ITIH5: variants seen among roughly 807,000 people sequenced by gnomAD.
The protein encoded by ITIH5 is inter-alpha-trypsin inhibitor heavy chain 5.
ITIH5 carries 65 observed loss-of-function variants against 77.5 expected under a neutral mutation model. The ratio of observed to expected loss-of-function variants is 0.84; its 90% CI spans 0.69 to 1.03. The LOEUF is 1.03. Ranked by LOEUF, ITIH5 falls within the 50% of genes least tolerant of loss-of-function variation. ITIH5 has a pLI of 0.00. For missense variants in ITIH5, 1,208 were observed against 1,213.1 expected (o/e 1.00, Z 0.06); for synonymous variants, 525 against 494.3 (o/e 1.06, Z -0.82).
intron 7 of ITIH5, among the ~76,000 whole-genome samples, chr10:7,591,143 C>A (rs1237218727): frequency 6.6e-6 from 1 of 152,238 alleles, no homozygotes; most frequent in Non-Finnish European, 1.5e-5. Flanking sequence ...AATCTGCCTG[C>A]CTCAGCCTCC....
At chr10:7,609,413 T>C in intron 7 of ITIH5, 1 of 455,816 alleles carries the variant, frequency 2.2e-6, no homozygotes, top group Non-Finnish European at 4.4e-6. Context: ...GCTTACAAAT[T>C]ACTCACCTGT....
rs1044073314 is a variant in ITIH5, at chr10:7,644,252, T to A, written c.136-2162A>T. On this transcript the variant is annotated intron_variant, in intron 2 of 13. Transcript: ENST00000397146. Reference sequence around the variant, plus strand: ...GACCCTGTCACAGAAAAAAAATATATATATATATGTACATATATGTGCGTG... The same window carrying A: ...GACCCTGTCACAGAAAAAAAATATAAATATATATGTACATATATGTGCGTG... 7.4e-3 allele frequency among the ~76,000 whole-genome samples: 1,112 copies of A among 149,994 alleles called. 16 individuals are homozygous for A. Among genetic ancestry groups the A allele is most frequent in the African/African-American group, 0.026 (1,049 of 40,840 alleles).
intron 11 of ITIH5, chr10:7,572,771 CTTTTTTTTTTT>C (rs528912890): frequency 7.1e-4 from 63 of 88,328 alleles, no homozygotes; most frequent in South Asian, 5.4e-3. Flanking sequence ...TGGTTTTACA[CTTTTTTTTTTT>C]TTTTTTTTTT....
chr10:7,601,958 T>C (rs1282309262), intron 7 of ITIH5, among the ~76,000 whole-genome samples: 2 of 152,166 alleles, frequency 1.3e-5, no homozygotes, highest in Non-Finnish European at 2.9e-5. Context: ...GTTCAAGCGA[T>C]TCCCATGCCT....
intron 10 of ITIH5, among the ~76,000 whole-genome samples, chr10:7,574,771 C>T (rs563467277): frequency 6.0e-5 from 8 of 132,264 alleles, no homozygotes; most frequent in East Asian, 2.1e-4. Flanking sequence ...CCAGCTTGGG[C>T]GAAAGAGCGA....
chr10:7,575,504 G>A (rs1889524), intron 10 of ITIH5, among the ~76,000 whole-genome samples: 79,591 of 151,972 alleles, frequency 0.52, 21,133 homozygotes, highest in East Asian at 0.77. Context: ...TGTGATGCAT[G>A]TGAAACGCGA....
chr10:7,609,004 A>G (rs1328354030), intron 7 of ITIH5, among the ~76,000 whole-genome samples: 1 of 152,120 alleles, frequency 6.6e-6, no homozygotes, highest in Non-Finnish European at 1.5e-5. Context: ...TGGTCTACAG[A>G]CCACCACTGT....
chr10:7,607,110 G>C (rs1200605319), intron 7 of ITIH5, among the ~76,000 whole-genome samples: 2 of 152,186 alleles, frequency 1.3e-5, no homozygotes, highest in African/African-American at 4.8e-5. Flanking sequence ...GACAAGGGCA[G>C]CCCAGTAGAC....
In ITIH5 at chr10:7,644,720, A is replaced by ATC. The variant is rs1564277992; in HGVS notation, c.136-2631_136-2630insGA. ...CATATCTATATCACATATATATCAT[A>ATC]TATATCACATATCTATATCACATAT... is the stretch of plus-strand genomic sequence containing the variant. On this transcript the variant is annotated intron_variant, in intron 2 of 13. Coordinates refer to ENST00000397146, the MANE Select transcript of ITIH5 (RefSeq NM_030569.7). Among the ~76,000 whole-genome samples, 73 of 134,450 alleles carry ATC rather than the reference A, an allele frequency of 5.4e-4. 2 individuals are homozygous for ATC. Among genetic ancestry groups the ATC allele is most frequent in the African/African-American group, 2.1e-3 (68 of 32,652 alleles). 88.2% of individuals were successfully genotyped at this position (134,450 alleles called of 152,430 possible).
chr10:7,571,105 G>A (rs1437038124), intron 11 of ITIH5, among the ~76,000 whole-genome samples: 1 of 152,218 alleles, frequency 6.6e-6, no homozygotes, highest in Non-Finnish European at 1.5e-5. Context: ...GGGCCCTTGA[G>A]AGGATCTGGC....
intron 7 of ITIH5, among the ~76,000 whole-genome samples, chr10:7,598,370 C>A (rs1170430200): frequency 6.6e-6 from 1 of 152,122 alleles, no homozygotes. Context: ...TAGCTTTCTT[C>A]ATAAAATGGA....
intron 5 of ITIH5, among the ~76,000 whole-genome samples, chr10:7,628,449 C>T (rs532800503): frequency 8.5e-5 from 13 of 152,302 alleles, no homozygotes; most frequent in South Asian, 8.3e-4. Context: ...AGCATGTGTC[C>T]GTGTTGTGGC....
chr10:7,599,171 C>T (rs1012365099), intron 7 of ITIH5, among the ~76,000 whole-genome samples: 3 of 151,322 alleles, frequency 2.0e-5, no homozygotes, highest in African/African-American at 7.2e-5. Context: ...GATTTTTTTT[C>T]CCACTTCTCT....
intron 2 of ITIH5, among the ~76,000 whole-genome samples, chr10:7,644,358 C>T (rs1227680438): frequency 6.9e-6 from 1 of 145,708 alleles, no homozygotes; most frequent in Non-Finnish European, 1.5e-5. Context: ...ACATATATAT[C>T]ATATATATCA....
chr10:7,636,410 G>T (rs1408136063), intron 5 of ITIH5, among the ~76,000 whole-genome samples: 1 of 151,920 alleles, frequency 6.6e-6, no homozygotes, highest in Non-Finnish European at 1.5e-5. Context: ...TTAGAAAATG[G>T]CCCCACAATC....
At chr10:7,665,317 C>T (rs2131123165) in intron 1 of ITIH5, among the ~76,000 whole-genome samples, 1 of 152,232 alleles carries the variant, frequency 6.6e-6, no homozygotes, top group East Asian at 1.9e-4. Context: ...CTCCACACCC[C>T]CAAAAAAGTT....
rs1241726237 is a variant in ITIH5 at position 7,561,248 on chromosome 10, A to G, written c.*1835T>C. On this transcript the variant is annotated 3_prime_UTR_variant, in exon 14 of 14. Transcript: ENST00000397146. Reference sequence around the variant, plus strand: ...AGGCAGTAGGAACTGGTCTTTCCTAATAACGTCCTCATTTCTGCAGTGTCG... The same window carrying G: ...AGGCAGTAGGAACTGGTCTTTCCTAGTAACGTCCTCATTTCTGCAGTGTCG... The G allele has an allele frequency of 1.3e-5, 2 of 152,238 alleles. No homozygotes were observed. The highest frequency in any genetic ancestry group is 4.8e-5 in the African/African-American group (2 of 41,450). The allele number at this position is 152,238 out of a possible 1,614,324, so 9.4% of individuals were successfully genotyped here. A position where few individuals can be genotyped will look rare whatever the true frequency, so the allele number is the denominator to read the frequency against.
At position 7,602,793 on chromosome 10, in the gene ITIH5, C is replaced by T. The variant is rs535325543; in HGVS notation, c.939+13189G>A. On this transcript the variant is annotated intron_variant, in intron 7 of 13. Transcript: ENST00000397146. ...CTCATGGTTCCAAAGTCTCAAGAAT[C>T]TTTTTTTTTACTCTATCCAGCTAAT... is the stretch of plus-strand genomic sequence containing the variant. Among the ~76,000 whole-genome samples, 6 of 151,686 alleles carry T rather than the reference C, an allele frequency of 4.0e-5. No individual in the cohort carries two copies. In the East Asian group the frequency reaches 1.2e-3, roughly 29 times the overall value.
chr10:7,605,649 T>C (rs553776596), intron 7 of ITIH5, among the ~76,000 whole-genome samples: 2 of 151,938 alleles, frequency 1.3e-5, no homozygotes, highest in African/African-American at 4.8e-5. Context: ...ACCCAAGAAG[T>C]GGGGGGCTGT....
Sources: gnomAD v4.1 joint callset for allele counts (sites outside exome capture counted in the v4.1 genomes callset) on GRCh38, gnomAD v4.1.1 for gene constraint, MANE v1.5 for transcripts, NCBI Gene and HGNC (gene_info 2026-07-23, HGNC 2026-07-21) for gene names.